The following PACSIN2 variants were observed in gnomAD, a reference collection of about 807,000 sequenced individuals.
PACSIN2 encodes the protein protein kinase C and casein kinase substrate in neurons protein 2.
Under a neutral mutation model 63.8 loss-of-function variants are expected in PACSIN2, and 25 were observed. That is an observed-to-expected ratio of 0.39 (90% CI 0.29 to 0.55). PACSIN2 has a LOEUF of 0.55. Among genes scored for constraint, PACSIN2 ranks in the 20% least tolerant of loss-of-function variants. The pLI is 0.62. For synonymous variants in PACSIN2, 255 were observed against 256.2 expected (o/e 1.00, Z 0.05); for missense variants, 518 against 646.9 (o/e 0.80, Z 2.16).
At chr22:42,907,478 T>C (rs1046986883) in intron 2 of PACSIN2, among the ~76,000 whole-genome samples, 4 of 152,264 alleles carry the variant, frequency 2.6e-5, no homozygotes, top group African/African-American at 9.6e-5. Context: ...AGGAGCCATA[T>C]GTGAGCACGG....
chr22:42,879,115 T>C lies in PACSIN2; in HGVS notation c.961A>G (p.Thr321Ala). 6.2e-7 allele frequency: 1 copy of C among 1,614,112 alleles called. No individual in the cohort carries two copies. Among genetic ancestry groups the C allele is most frequent in the Non-Finnish European group, 8.5e-7 (1 of 1,179,984 alleles). The change falls in exon 8 of 11, where the codon ACT becomes GCT. Residue 321 changes from threonine (T) to alanine (A), a missense_variant. Thr to Ala is a moderately conservative substitution (Grantham distance 58). Transcript: ENST00000263246. ...TLSRREKKKA[T>A]DGVTLTGINQ... Reference sequence around the variant, plus strand: ...ATGCCCGTCAGGGTGACGCCGTCAGTGGCCTTCTTCTTCTCTCTCCGGCTG... The same window carrying C: ...ATGCCCGTCAGGGTGACGCCGTCAGCGGCCTTCTTCTTCTCTCTCCGGCTG...
chr22:42,871,494 T>A lies in PACSIN2; in HGVS notation c.1349-25A>T. 1.9e-6 allele frequency: 3 copies of A among 1,553,564 alleles called. No homozygotes were observed. The highest frequency in any genetic ancestry group is 2.7e-6 in the Non-Finnish European group (3 of 1,124,528). ...CCTGCAAGACAAAGAGGGAGCCGTCTCCATGAGAGGTATGACACCGACGGT... is the reference window on the plus strand; with the variant it reads ...CCTGCAAGACAAAGAGGGAGCCGTCACCATGAGAGGTATGACACCGACGGT... On this transcript the variant is annotated intron_variant, in intron 10 of 10. Coordinates refer to ENST00000263246, the MANE Select transcript of PACSIN2 (RefSeq NM_001184970.3). The surrounding 1 kb of genome is among the most constrained non-coding windows in gnomAD (Gnocchi z 5.4).
chr22:42,884,977 T>G (rs938891982), intron 5 of PACSIN2, among the ~76,000 whole-genome samples: 3 of 152,170 alleles, frequency 2.0e-5, no homozygotes, highest in Admixed American at 2.0e-4. Flanking sequence ...CTGTCCTTTA[T>G]CAGATGAGGA....
At chr22:43,000,575 G>C (rs1222269416) in intron 1 of PACSIN2, among the ~76,000 whole-genome samples, 2 of 152,160 alleles carry the variant, frequency 1.3e-5, no homozygotes, top group Admixed American at 1.3e-4. Flanking sequence ...AGAGAGAAAA[G>C]CATGGGCCCA....
At chr22:42,991,897 A>G (rs1923073492) in intron 1 of PACSIN2, among the ~76,000 whole-genome samples, 3 of 152,190 alleles carry the variant, frequency 2.0e-5, no homozygotes, top group Admixed American at 2.0e-4. Context: ...AATGTAAAAC[A>G]TAAAACTATA....
At chr22:42,941,208 G>A (rs186008961) in intron 1 of PACSIN2, among the ~76,000 whole-genome samples, 2 of 94,768 alleles carry the variant, frequency 2.1e-5, no homozygotes, top group East Asian at 5.0e-4. Flanking sequence ...GTTCGTCCAC[G>A]TTGCAGCATG....
chr22:42,964,406 A>T (rs1348599837), intron 1 of PACSIN2, among the ~76,000 whole-genome samples: 1 of 140,862 alleles, frequency 7.1e-6, no homozygotes. Flanking sequence ...CGACAGAGCG[A>T]GACTCCGTCT....
At chr22:42,962,758 C>A (rs946720854) in intron 1 of PACSIN2, among the ~76,000 whole-genome samples, 7 of 67,698 alleles carry the variant, frequency 1.0e-4, no homozygotes, top group African/African-American at 4.7e-4. Context: ...TACCCAGTCA[C>A]AAGAGCAAGG....
intron 8 of PACSIN2, among the ~76,000 whole-genome samples, chr22:42,877,890 A>T (rs572864906): frequency 5.5e-4 from 84 of 152,324 alleles, no homozygotes; most frequent in South Asian, 3.9e-3. Context: ...TGGACTGCTC[A>T]GCCTGAGCAC....
chr22:42,947,501 T>C (rs779002052), intron 1 of PACSIN2, among the ~76,000 whole-genome samples: 1 of 152,116 alleles, frequency 6.6e-6, no homozygotes, highest in Non-Finnish European at 1.5e-5. Context: ...GGCTCTTCCC[T>C]ACCCAACAGT....
intron 1 of PACSIN2, among the ~76,000 whole-genome samples, chr22:42,915,671 C>T (rs1931761425): frequency 6.6e-6 from 1 of 152,220 alleles, no homozygotes; most frequent in Admixed American, 6.5e-5. Flanking sequence ...TTATATACAT[C>T]TTTATTAATT....
chr22:42,959,187 TA>T (rs1275930744), intron 1 of PACSIN2, among the ~76,000 whole-genome samples: 1 of 152,118 alleles, frequency 6.6e-6, no homozygotes, highest in African/African-American at 2.4e-5. Flanking sequence ...GACTCTGCAG[TA>T]AACAGTCATG....
intron 1 of PACSIN2, among the ~76,000 whole-genome samples, chr22:42,945,079 C>A (rs1271977636): frequency 2.2e-5 from 3 of 138,690 alleles, no homozygotes; most frequent in Non-Finnish European, 4.6e-5. Flanking sequence ...GCCTGGACGA[C>A]AGGGCAAGAC....
intron 1 of PACSIN2, chr22:42,960,039 A>G (rs953275507): frequency 2.6e-5 from 4 of 152,224 alleles, no homozygotes; most frequent in Non-Finnish European, 4.4e-5. Context: ...CTCTTTTCAG[A>G]AAGTGGCCAA....
rs539400514 is a variant in PACSIN2 at position 42,913,995 on chromosome 22, C to T, written c.-77-1838G>A. Among the ~76,000 whole-genome samples the T allele has an allele frequency of 1.2e-4, 19 of 152,350 alleles. 1 individual carries two copies. The South Asian group carries it at 2.5e-3, about 20-fold the overall frequency. ...GCAGCAACAGAGACAAAGTCCACAACAGATAACGGTACTTCAAAGCCAAGT... is the reference window on the plus strand; with the variant it reads ...GCAGCAACAGAGACAAAGTCCACAATAGATAACGGTACTTCAAAGCCAAGT... On this transcript the variant is annotated intron_variant, in intron 1 of 10. Transcript: ENST00000263246.
chr22:42,947,218 G>C (rs535448489), intron 1 of PACSIN2, among the ~76,000 whole-genome samples: 122 of 152,300 alleles, frequency 8.0e-4, no homozygotes, highest in Admixed American at 1.8e-3. Context: ...GCATTCACAG[G>C]CGGCAGAGTG....
In PACSIN2 at chr22:42,870,412, A is replaced by G. The variant is rs1928011872; in HGVS notation, c.*945T>C. 6.6e-6 allele frequency: 1 copy of G among 152,176 alleles called. No individual in the cohort carries two copies. Among genetic ancestry groups the G allele is most frequent in the African/African-American group, 2.4e-5 (1 of 41,432 alleles). 9.4% of individuals were successfully genotyped at this position (152,176 alleles called of 1,614,324 possible). A position where few individuals can be genotyped will look rare whatever the true frequency, so the allele number is the denominator to read the frequency against. ...GTTTACAAACGAAACTCACTGTTAAAAGCTGTTAAATCTCATTAAAACAGT... is the reference window on the plus strand; with the variant it reads ...GTTTACAAACGAAACTCACTGTTAAGAGCTGTTAAATCTCATTAAAACAGT... On this transcript the variant is annotated 3_prime_UTR_variant, in exon 11 of 11. Coordinates refer to ENST00000263246, the MANE Select transcript of PACSIN2 (RefSeq NM_001184970.3).
intron 1 of PACSIN2, among the ~76,000 whole-genome samples, chr22:43,008,871 A>T (rs546768257): frequency 1.6e-4 from 25 of 152,348 alleles, no homozygotes; most frequent in Non-Finnish European, 2.5e-4. Flanking sequence ...AGCAACTGAG[A>T]AGTAGTCATT....
At chr22:42,970,816 A>G (rs1241580430) in intron 1 of PACSIN2, among the ~76,000 whole-genome samples, 1 of 152,168 alleles carries the variant, frequency 6.6e-6, no homozygotes, top group Non-Finnish European at 1.5e-5. Context: ...GCAGTGCACC[A>G]CCAGATATGG....
Sources: gnomAD v4.1 joint callset for allele counts (sites outside exome capture counted in the v4.1 genomes callset) on GRCh38, gnomAD v4.1.1 for gene constraint, Gnocchi (gnomAD v3.1) non-coding constraint, MANE v1.5 for transcripts, NCBI Gene and HGNC (gene_info 2026-07-23, HGNC 2026-07-21) for gene names.